Variants in H2BC18 observed in about 807,000 individuals in gnomAD.
H2BC18 encodes H2B clustered histone 18.
H2BC18 carries 8 observed loss-of-function variants against 6.3 expected under a neutral mutation model. That is an observed-to-expected ratio of 1.28 (90% CI 0.75 to 2.31). H2BC18 has a LOEUF of 2.31. H2BC18 is among the 30% of genes most tolerant of loss of function. The pLI is 0.00. For missense variants in H2BC18, 106 were observed against 174.5 expected, an observed-to-expected ratio of 0.61 and a Z score of 2.21; for synonymous variants, 104 against 78.1, an observed-to-expected ratio of 1.33 and a Z score of -1.75.
chr1:149,806,927 T>G (rs2091922448), downstream of H2BC18, among the ~76,000 whole-genome samples: 1 of 151,970 alleles, frequency 6.6e-6, no homozygotes, highest in African/African-American at 2.4e-5. Flanking sequence ...CTGAAGCCAT[T>G]GGAGGGTTTT....
chr1:149,807,571 C>T (rs6656522), downstream of H2BC18, among the ~76,000 whole-genome samples: 7,878 of 143,266 alleles, frequency 0.055, 313 homozygotes, highest in Non-Finnish European at 0.078. Context: ...TTTGGGAGGC[C>T]GAGGCAGGCA....
intron 1 of H2BC18, among the ~76,000 whole-genome samples, chr1:149,797,852 A>T (rs1368467813): frequency 9.2e-5 from 14 of 152,176 alleles, no homozygotes; most frequent in Non-Finnish European, 2.1e-4. Flanking sequence ...GGCCAAGGCG[A>T]TCTGCCTACC....
In H2BC18 at chr1:149,791,678, C is replaced by T. The variant is rs1241118678; in HGVS notation, c.378-8418G>A. The T allele has an allele frequency of 2.3e-6, 3 of 1,294,020 alleles. No homozygotes were observed. The East Asian group carries it at 7.8e-5, about 34-fold the overall frequency. 80.2% of individuals were successfully genotyped at this position (1,294,020 alleles called of 1,614,324 possible). On this transcript the variant is annotated intron_variant, in intron 1 of 1. Coordinates refer to the H2BC18 transcript ENST00000545683. ...AAATGAACTGACTTCAACTGGGATACATTTGGAAATGTGGTCATCAAAGAT... is the reference window on the plus strand; with the variant it reads ...AAATGAACTGACTTCAACTGGGATATATTTGGAAATGTGGTCATCAAAGAT...
intron 1 of H2BC18, among the ~76,000 whole-genome samples, chr1:149,802,084 T>C (rs4288636): frequency 6.5e-4 from 99 of 152,206 alleles, no homozygotes; most frequent in African/African-American, 2.3e-3. Context: ...AACTGTCTTC[T>C]ACTCTATAGA....
downstream of H2BC18, chr1:149,810,364 AC>A (rs1286330946): frequency 2.0e-5 from 3 of 151,830 alleles, no homozygotes; most frequent in Non-Finnish European, 4.4e-5. Flanking sequence ...AGATGACTAA[AC>A]TGGGAATCTT....
intron 1 of H2BC18, among the ~76,000 whole-genome samples, chr1:149,805,023 C>T (rs1281368731): frequency 6.6e-6 from 1 of 152,186 alleles, no homozygotes; most frequent in Non-Finnish European, 1.5e-5. Flanking sequence ...CCTCTGAGAG[C>T]CTTCAGCATG....
At position 149,791,168 on chromosome 1, in the gene H2BC18, A is replaced by G. The variant is rs1421139870; in HGVS notation, c.378-7908T>C. ...CAGGTCTCAGCCAACCTTCCCTTCC[A>G]AACATAACTCAGCTAGACCCCTCTG... On this transcript the variant is annotated intron_variant, in intron 1 of 1. Transcript: ENST00000545683. 11 of 1,604,716 alleles carry G rather than the reference A, an allele frequency of 6.9e-6. No individual in the cohort carries two copies. In the African/African-American group the frequency reaches 1.5e-4, roughly 22 times the overall value.
chr1:149,794,354 G>A (rs1205148539), intron 1 of H2BC18, among the ~76,000 whole-genome samples: 6 of 151,740 alleles, frequency 4.0e-5, no homozygotes, highest in African/African-American at 9.7e-5. Flanking sequence ...GGAGGGGAAC[G>A]GGGTAGCAAG....
downstream of H2BC18, chr1:149,811,871 T>G: frequency 7.3e-7 from 1 of 1,376,394 alleles, no homozygotes; most frequent in East Asian, 2.4e-5. Context: ...AGCTGCTTTC[T>G]CGATTACTGA....
intron 1 of H2BC18, among the ~76,000 whole-genome samples, chr1:149,799,913 T>C (rs2091847089): frequency 6.6e-6 from 1 of 152,086 alleles, no homozygotes. Context: ...AAGCAATCAG[T>C]TCTGCAGTGG....
chr1:149,793,209 T>A (rs3106118), intron 1 of H2BC18: 1 of 1,273,960 alleles, frequency 7.8e-7, no homozygotes, highest in Non-Finnish European at 1.0e-6. Flanking sequence ...GGCGCCCCAT[T>A]TTCTTGGCTT....
intron 1 of H2BC18, among the ~76,000 whole-genome samples, chr1:149,802,012 T>A (rs2101474116): frequency 6.6e-6 from 1 of 152,212 alleles, no homozygotes; most frequent in South Asian, 2.1e-4. Flanking sequence ...TTTCTTACCT[T>A]TTTCTCCAGG....
downstream of H2BC18, among the ~76,000 whole-genome samples, chr1:149,809,488 T>C (rs1268180449): frequency 1.4e-5 from 2 of 148,050 alleles, no homozygotes; most frequent in African/African-American, 2.5e-5. Flanking sequence ...TTTACTAGAG[T>C]ATTTACTAGA....
At chr1:149,791,729 G>C (rs1313493581) in intron 1 of H2BC18, 1 of 612,534 alleles carries the variant, frequency 1.6e-6, no homozygotes, top group South Asian at 2.1e-5. Context: ...CTACTCTAAA[G>C]AATTCTTGAA....
At chr1:149,792,996 C>T in intron 1 of H2BC18, 5 of 1,274,872 alleles carry the variant, frequency 3.9e-6, no homozygotes, top group Non-Finnish European at 4.1e-6. Context: ...TCCCCAGGCG[C>T]GTAGCTGAGT....
chr1:149,808,538 T>C (rs1242834176), downstream of H2BC18, among the ~76,000 whole-genome samples: 3 of 152,198 alleles, frequency 2.0e-5, no homozygotes, highest in Non-Finnish European at 4.4e-5. Context: ...CAAAATAAAA[T>C]GGATTAACAT....
At chr1:149,793,533 GA>G (rs2091763611) in intron 1 of H2BC18, among the ~76,000 whole-genome samples, 1 of 152,098 alleles carries the variant, frequency 6.6e-6, no homozygotes, top group Non-Finnish European at 1.5e-5. Context: ...CTGGCGGGGA[GA>G]AAGGTGGGTC....
At chr1:149,791,634 T>A (rs2091716532) in intron 1 of H2BC18, 2 of 1,514,900 alleles carry the variant, frequency 1.3e-6, no homozygotes, top group South Asian at 2.6e-5. Context: ...TCTCATGGTA[T>A]GTAACTCTTA....
chr1:149,793,271 T>A (rs2091758621), intron 1 of H2BC18: 58 of 1,216,708 alleles, frequency 4.8e-5, no homozygotes, highest in Non-Finnish European at 5.9e-5. Flanking sequence ...GGGTGGGGAG[T>A]GGGAGAGGCC....
Sources: gnomAD v4.1 joint callset for allele counts (sites outside exome capture counted in the v4.1 genomes callset) on GRCh38, gnomAD v4.1.1 for gene constraint, MANE v1.5 for transcripts, NCBI Gene and HGNC (gene_info 2026-07-23, HGNC 2026-07-21) for gene names.